Variants in SEL1L2 observed in about 807,000 individuals in gnomAD.
The protein encoded by SEL1L2 is SEL1L2 adaptor subunit of SYVN1 ubiquitin ligase, also known as protein sel-1 homolog 2.
In SEL1L2, 89 loss-of-function variants were observed where a neutral mutation model predicts 98.8. That is an observed-to-expected ratio of 0.90 (90% confidence interval 0.76 to 1.07). The LOEUF is 1.07. SEL1L2 is among the 50% of genes least tolerant of loss of function. The pLI, the probability that SEL1L2 is intolerant of heterozygous loss-of-function variation, is 0.00. For synonymous variants in SEL1L2, 262 were observed against 278.5 expected (o/e 0.94, Z 0.59); for missense variants, 788 against 812.0 (o/e 0.97, Z 0.36).
rs1160306770 is a variant in SEL1L2, at chr20:13,885,408, GAATGATGAGTTTGGA to G, written c.901-20_901-6del. ...ATGTAATTGTCCAAGAGAGACCTAG[GAATGATGAGTTTGGA>G]AATGATTTTAGCAGCAGTATTACTT... On this transcript the variant is annotated splice_polypyrimidine_tract_variant and splice_region_variant and intron_variant, in intron 9 of 19. Coordinates refer to ENST00000284951, the MANE Select transcript of SEL1L2 (RefSeq NM_025229.2). 2.5e-6 allele frequency: 4 copies of G among 1,585,962 alleles called. No individual in the cohort carries two copies. The highest frequency in any genetic ancestry group is 3.5e-6 in the Non-Finnish European group (4 of 1,154,532).
intron 1 of SEL1L2, among the ~76,000 whole-genome samples, chr20:13,959,137 A>G (rs1417620898): frequency 6.6e-6 from 1 of 152,170 alleles, no homozygotes; most frequent in Non-Finnish European, 1.5e-5. Flanking sequence ...AAGCTTGATA[A>G]GTGGGTGCCT....
intron 2 of SEL1L2, among the ~76,000 whole-genome samples, chr20:13,951,394 C>G (rs1239572462): frequency 7.2e-6 from 1 of 139,332 alleles, no homozygotes; most frequent in African/African-American, 2.7e-5. Flanking sequence ...GCAGATGGAT[C>G]ACGAGGTCAG....
chr20:13,877,546 C>T lies in SEL1L2; in HGVS notation c.1000G>A (p.Ala334Thr), dbSNP rs1371873783. The T allele has an allele frequency of 6.2e-7, 1 of 1,613,068 alleles. No homozygotes were observed. The highest frequency in any genetic ancestry group is 2.2e-5 in the East Asian group (1 of 44,874). ...TTTCCTATAAATGCCATGGCATTTG[C>T]ACTCCCGGCCTTTGCTGCCTTTAAG... Reference protein sequence around the residue: ...YFLKAAKAGSANAMAFIGKMY... With the variant: ...YFLKAAKAGSTNAMAFIGKMY... The change falls in exon 11 of 20, where the codon GCA becomes ACA. Residue 334 changes from alanine (A) to threonine (T), a missense_variant. Ala to Thr is a moderately conservative substitution (Grantham distance 58, BLOSUM62 0). Coordinates refer to ENST00000284951, the MANE Select transcript of SEL1L2 (RefSeq NM_025229.2).
rs186161555 is a variant in SEL1L2 at position 13,865,591 on chromosome 20, T to C, written c.1405-77A>G. ...CCAGGCAAATGAGAAAGGAAATCAG[T>C]CTTCAGCTCCTACCAGCTGGTCAGG... On this transcript the variant is annotated intron_variant, in intron 15 of 19. Coordinates refer to ENST00000284951, the MANE Select transcript of SEL1L2 (RefSeq NM_025229.2). 2.5e-3 allele frequency: 3,232 copies of C among 1,284,136 alleles called. 12 individuals carry two copies. Among genetic ancestry groups the C allele is most frequent in the Non-Finnish European group, 2.8e-3 (2,619 of 920,390 alleles). 79.5% of individuals were successfully genotyped at this position (1,284,136 alleles called of 1,614,324 possible). A position where few individuals can be genotyped will look rare whatever the true frequency, so the allele number is the denominator to read the frequency against.
chr20:13,875,103 C>T (rs1421020606), intron 12 of SEL1L2, among the ~76,000 whole-genome samples: 23 of 152,232 alleles, frequency 1.5e-4, no homozygotes, highest in Admixed American at 1.4e-3. Context: ...CTAATTCATT[C>T]TGTCTGGGAT....
At chr20:13,980,577 T>C (rs2051764798) in intron 1 of SEL1L2, among the ~76,000 whole-genome samples, 1 of 152,046 alleles carries the variant, frequency 6.6e-6, no homozygotes, top group Non-Finnish European at 1.5e-5. Context: ...TCAAACAACA[T>C]AGATAGAGAT....
intron 18 of SEL1L2, among the ~76,000 whole-genome samples, chr20:13,858,981 T>A (rs1408426267): frequency 6.6e-6 from 1 of 152,212 alleles, no homozygotes. Context: ...AAAAAGCATG[T>A]GCTGCAAAAA....
intron 5 of SEL1L2, among the ~76,000 whole-genome samples, chr20:13,889,354 G>A (rs568138665): frequency 6.6e-5 from 10 of 152,156 alleles, no homozygotes; most frequent in Non-Finnish European, 1.2e-4. Context: ...AGGAATTTGG[G>A]AAAGCTCACA....
intron 12 of SEL1L2, among the ~76,000 whole-genome samples, chr20:13,875,352 G>A (rs529360156): frequency 6.6e-6 from 1 of 152,324 alleles, no homozygotes; most frequent in African/African-American, 2.4e-5. Flanking sequence ...CAATCTGCCT[G>A]TTTCAGCCTC....
At chr20:13,866,570 T>C (rs1264592915) in intron 15 of SEL1L2, 132 bp downstream of exon 15, 1 of 751,564 alleles carries the variant, frequency 1.3e-6, no homozygotes, top group Non-Finnish European at 2.0e-6. Flanking sequence ...CAAATGTCAG[T>C]ATTCACATTG....
At chr20:13,947,661 T>C (rs2050081412) in intron 2 of SEL1L2, among the ~76,000 whole-genome samples, 1 of 152,156 alleles carries the variant, frequency 6.6e-6, no homozygotes, top group Admixed American at 6.5e-5. Flanking sequence ...GCTGTAGCCC[T>C]TTTAGGAGCC....
Position 13,887,952 on chromosome 20 carries a change from TG to T in SEL1L2, c.652del (p.Gln218ArgfsTer2). 1 of 1,613,794 alleles carries T rather than the reference TG, an allele frequency of 6.2e-7. No homozygotes were observed. Among genetic ancestry groups the T allele is most frequent in the Non-Finnish European group, 8.5e-7 (1 of 1,179,818 alleles). ...FGSAGGNMMSQMILGYRYLSG... is the reference protein window; with the variant it reads ...FGSAGGNMMSXMILGYRYLSG... ...ATTTTGTTTACAAACCAAAATCATC[TG>T]GGACATCATGTTTCCTCCAGCACTT... is the stretch of plus-strand genomic sequence containing the variant. On this transcript the variant is annotated frameshift_variant, in exon 7 of 20. Coordinates refer to ENST00000284951, the MANE Select transcript of SEL1L2 (RefSeq NM_025229.2). LOFTEE classifies it high-confidence loss of function.
intron 5 of SEL1L2, among the ~76,000 whole-genome samples, chr20:13,905,605 T>C (rs1018456252): frequency 3.9e-5 from 6 of 152,088 alleles, no homozygotes; most frequent in African/African-American, 1.2e-4. Flanking sequence ...TAAGCCACCA[T>C]GCCTGGCCTG....
chr20:13,919,397 G>A (rs2048553313), intron 3 of SEL1L2, among the ~76,000 whole-genome samples: 1 of 152,174 alleles, frequency 6.6e-6, no homozygotes, highest in South Asian at 2.1e-4. Context: ...TGGGAGAAGG[G>A]ATGCTTTTGG....
intron 11 of SEL1L2, among the ~76,000 whole-genome samples, chr20:13,876,353 C>G (rs952102534): frequency 4.6e-5 from 7 of 151,190 alleles, no homozygotes; most frequent in African/African-American, 1.5e-4. Context: ...CTGGAGTGAC[C>G]CTGCCTGAGG....
chr20:13,983,444 A>C (rs1189371238), intron 1 of SEL1L2, among the ~76,000 whole-genome samples: 7 of 152,150 alleles, frequency 4.6e-5, no homozygotes, highest in Non-Finnish European at 1.0e-4. Flanking sequence ...GAGAGGGAAA[A>C]AAAGTGAGGT....
At chr20:13,964,274 G>A (rs1407435309) in intron 1 of SEL1L2, among the ~76,000 whole-genome samples, 1 of 151,964 alleles carries the variant, frequency 6.6e-6, no homozygotes, top group Non-Finnish European at 1.5e-5. Flanking sequence ...AAAAACCTGG[G>A]AGGCCAAGTT....
At chr20:13,884,333 C>T (rs1202287244) in intron 10 of SEL1L2, among the ~76,000 whole-genome samples, 3 of 152,084 alleles carry the variant, frequency 2.0e-5, no homozygotes, top group South Asian at 4.2e-4. Context: ...CCAGTTACTT[C>T]CCAGGTCTGT....
At chr20:13,859,991 T>A (rs1438726061) in intron 17 of SEL1L2, among the ~76,000 whole-genome samples, 1 of 152,200 alleles carries the variant, frequency 6.6e-6, no homozygotes, top group South Asian at 2.1e-4. Context: ...GGCGTGAGCC[T>A]CCGCGCCCGG....
Sources: gnomAD v4.1 joint callset for allele counts (sites outside exome capture counted in the v4.1 genomes callset) on GRCh38, gnomAD v4.1.1 for gene constraint, MANE v1.5 for transcripts, NCBI Gene and HGNC (gene_info 2026-07-23, HGNC 2026-07-21) for gene names.